The following ACSS1 variants were observed in gnomAD, a reference collection of about 807,000 sequenced individuals.
ACSS1 encodes acetyl-coenzyme A synthetase 2-like, mitochondrial.
Under a neutral mutation model 75.3 loss-of-function variants are expected in ACSS1, and 42 were observed. The ratio of observed to expected loss-of-function variants is 0.56; its 90% CI spans 0.44 to 0.72. The LOEUF is 0.72. ACSS1 is among the 30% of genes least tolerant of loss of function. The pLI is 0.00. For missense variants in ACSS1, 782 were observed against 935.7 expected (o/e 0.84, Z 2.14); for synonymous variants, 380 against 376.8 (o/e 1.01, Z -0.10).
intron 2 of ACSS1, 144 bp downstream of exon 2, chr20:25,047,941 T>C: frequency 1.6e-6 from 1 of 621,614 alleles, no homozygotes; most frequent in Admixed American, 3.1e-5. Context: ...TGCGTTCACA[T>C]TTACTTTTCC....
rs541589934 is a variant in ACSS1 at position 25,052,840 on chromosome 20, C to T, written c.335-4659G>A. Among the ~76,000 whole-genome samples, 10 of 152,336 alleles carry T rather than the reference C, an allele frequency of 6.6e-5. No homozygotes were observed. In the South Asian group the frequency reaches 1.0e-3, roughly 16 times the overall value. On this transcript the variant is annotated intron_variant, in intron 1 of 13. Transcript: ENST00000323482. Reference sequence around the variant, plus strand: ...AGGGCCTAACACAGCTGGACGCAGTCGGCCAATGCCCGTGGCTGGGGCAGG... The same window carrying T: ...AGGGCCTAACACAGCTGGACGCAGTTGGCCAATGCCCGTGGCTGGGGCAGG...
intron 13 of ACSS1, 135 bp from the exon 14 acceptor site, chr20:25,008,076 C>T: frequency 8.4e-7 from 1 of 1,187,914 alleles, no homozygotes; most frequent in South Asian, 1.6e-5. Context: ...GTCTAAGCCT[C>T]CACCCCAGAG....
At position 25,020,189 on chromosome 20, in the gene ACSS1, A is replaced by G. The variant is rs200567147; in HGVS notation, c.1109-42T>C. 43 of 1,612,672 alleles carry G rather than the reference A, an allele frequency of 2.7e-5. No individual in the cohort carries two copies. The African/African-American group carries it at 4.9e-4, about 18-fold the overall frequency. On this transcript the variant is annotated intron_variant, in intron 6 of 13. Coordinates refer to ENST00000323482, the MANE Select transcript of ACSS1 (RefSeq NM_032501.4). ...ATTCACTGTCAGCAGGAGAGCTGAC[A>G]TGGTTTACTTTAAACTCAGAGATCA... is the stretch of plus-strand genomic sequence containing the variant.
chr20:25,055,681 T>C (rs2089231704), intron 1 of ACSS1, among the ~76,000 whole-genome samples: 1 of 152,232 alleles, frequency 6.6e-6, no homozygotes, highest in Non-Finnish European at 1.5e-5. Context: ...CAGGTAATGC[T>C]GATGCTGCAG....
intron 12 of ACSS1, chr20:25,011,046 A>G (rs2088398903): frequency 6.6e-6 from 1 of 152,202 alleles, no homozygotes; most frequent in Non-Finnish European, 1.5e-5. Flanking sequence ...AATCAGGAAA[A>G]TGCACATCAT....
chr20:25,014,148 G>A (rs2088474155), intron 8 of ACSS1, 75 bp from the exon 9 acceptor site: 62 of 1,265,494 alleles, frequency 4.9e-5, no homozygotes, highest in South Asian at 3.4e-4. Flanking sequence ...TGGGTGGTAG[G>A]TGGGACTGTC....
intron 1 of ACSS1, among the ~76,000 whole-genome samples, chr20:25,055,956 G>A: frequency 6.6e-6 from 1 of 152,210 alleles, no homozygotes. Context: ...ATGAACAGGA[G>A]GGCACGCACA....
intron 3 of ACSS1, among the ~76,000 whole-genome samples, chr20:25,023,956 C>T (rs2088671205): frequency 6.6e-6 from 1 of 152,212 alleles, no homozygotes; most frequent in South Asian, 2.1e-4. Context: ...TCTCTCCTGT[C>T]TGCCCAGGAG....
chr20:25,041,463 G>A (rs1049672844), intron 2 of ACSS1, among the ~76,000 whole-genome samples: 55 of 152,138 alleles, frequency 3.6e-4, no homozygotes, highest in Admixed American at 2.2e-3. Flanking sequence ...CTGAGAGCAC[G>A]CCCACAGACT....
intron 2 of ACSS1, among the ~76,000 whole-genome samples, chr20:25,038,103 A>G (rs2088945354): frequency 6.6e-6 from 1 of 152,240 alleles, no homozygotes; most frequent in Non-Finnish European, 1.5e-5. Context: ...GAGGGCCCCC[A>G]GGAGACATGA....
At chr20:25,013,779 G>T in intron 9 of ACSS1, 117 bp from the exon 10 acceptor site, 1 of 1,443,710 alleles carries the variant, frequency 6.9e-7, no homozygotes, top group Non-Finnish European at 9.2e-7. Flanking sequence ...TGCCCCTGAG[G>T]AGGGCCCCAA....
At chr20:25,038,554 CAGGTGCAAAATG>C (rs2088952102) in intron 2 of ACSS1, among the ~76,000 whole-genome samples, 1 of 152,164 alleles carries the variant, frequency 6.6e-6, no homozygotes, top group African/African-American at 2.4e-5. Flanking sequence ...CTCAGGAGGG[CAGGTGCAAAATG>C]CTGGTTTGCC....
chr20:25,008,044 C>CGGGAGGGCA, intron 13 of ACSS1, 103 bp from the exon 14 acceptor site: 3 of 1,407,290 alleles, frequency 2.1e-6, no homozygotes, highest in African/African-American at 1.4e-5. Context: ...GGGGGATGCC[C>CGGGAGGGCA]TCCCGGGGAT....
chr20:25,057,448 G>A (rs1436935773), intron 1 of ACSS1, among the ~76,000 whole-genome samples: 1 of 152,226 alleles, frequency 6.6e-6, no homozygotes, highest in Non-Finnish European at 1.5e-5. Flanking sequence ...GCGGCGCTAT[G>A]CACCCGGTAA....
At chr20:25,021,636 G>A in intron 5 of ACSS1, 100 bp from the exon 6 acceptor site, 1 of 1,454,120 alleles carries the variant, frequency 6.9e-7, no homozygotes, top group Non-Finnish European at 9.3e-7. Context: ...GCAGTCCATA[G>A]CTGTGAGAGG....
chr20:25,013,875 G>T, intron 9 of ACSS1, 86 bp downstream of exon 9: 1 of 1,427,716 alleles, frequency 7.0e-7, no homozygotes. Flanking sequence ...GTACAGACCT[G>T]GGCACACAGG....
At chr20:25,044,006 C>T (rs2089045602) in intron 2 of ACSS1, among the ~76,000 whole-genome samples, 1 of 152,190 alleles carries the variant, frequency 6.6e-6, no homozygotes. Flanking sequence ...GCTCTGCAGG[C>T]ACCCCCAGCC....
intron 2 of ACSS1, among the ~76,000 whole-genome samples, chr20:25,042,295 G>C (rs1174604779): frequency 6.6e-6 from 1 of 152,142 alleles, no homozygotes; most frequent in African/African-American, 2.4e-5. Flanking sequence ...GGTGGATGCT[G>C]CTTCAAAAAC....
intron 2 of ACSS1, among the ~76,000 whole-genome samples, chr20:25,043,472 C>T (rs2089037626): frequency 6.6e-6 from 1 of 152,250 alleles, no homozygotes; most frequent in Non-Finnish European, 1.5e-5. Context: ...GCCTCCGCAT[C>T]AGGTGCCAGG....
Sources: allele counts gnomAD v4.1 joint callset (sites outside exome capture counted in the v4.1 genomes callset), GRCh38; gene constraint gnomAD v4.1.1; transcripts MANE v1.5; gene names NCBI Gene and HGNC (gene_info 2026-07-23, HGNC 2026-07-21).